The following SLC9A1 variants were observed in gnomAD, a reference collection of about 807,000 sequenced individuals.
The protein encoded by SLC9A1 is sodium/hydrogen exchanger 1.
Under a neutral mutation model 67.9 loss-of-function variants are expected in SLC9A1, and 22 were observed. The observed-to-expected ratio is 0.32, with a 90% CI of 0.23 to 0.46. The LOEUF (loss-of-function observed/expected upper bound fraction) is 0.46, where lower values mean the gene tolerates loss of function less well. Among genes scored for constraint, SLC9A1 ranks in the 20% least tolerant of loss-of-function variants. SLC9A1 has a pLI of 1.00. For missense variants in SLC9A1, 686 were observed against 1,094.8 expected, an observed-to-expected ratio of 0.63 and a Z score of 5.27; for synonymous variants, 421 against 471.8, an observed-to-expected ratio of 0.89 and a Z score of 1.40.
intron 1 of SLC9A1, among the ~76,000 whole-genome samples, chr1:27,150,835 G>A (rs1478933074): frequency 1.3e-5 from 2 of 152,154 alleles, no homozygotes; most frequent in Non-Finnish European, 2.9e-5. Flanking sequence ...AGGGTAGGAA[G>A]GAGAACTGCA....
chr1:27,103,558 T>C (rs2083162709), intron 5 of SLC9A1: 1 of 541,612 alleles, frequency 1.8e-6, no homozygotes. Flanking sequence ...ACACTGGTCA[T>C]CTGGCCTGGG....
At chr1:27,126,805 G>A (rs1293233777) in intron 1 of SLC9A1, among the ~76,000 whole-genome samples, 1 of 152,106 alleles carries the variant, frequency 6.6e-6, no homozygotes, top group Non-Finnish European at 1.5e-5. Context: ...TCCCTTTTGT[G>A]TATATATTTT....
chr1:27,107,595 C>T, intron 4 of SLC9A1, 53 bp downstream of exon 4: 4 of 1,365,600 alleles, frequency 2.9e-6, no homozygotes, highest in Non-Finnish European at 4.0e-6. Context: ...CCCACCACCC[C>T]CCACACACAC....
At position 27,114,295 on chromosome 1, in the gene SLC9A1, G is replaced by T; in HGVS notation, c.353-9C>A. 2 of 1,600,750 alleles carry T rather than the reference G, an allele frequency of 1.2e-6. No individual in the cohort carries two copies. The highest frequency in any genetic ancestry group is 1.7e-6 in the Non-Finnish European group (2 of 1,169,922). ...GGGGATCACATGGAAACCTGCGGAG[G>T]GCGAGAGAACGGGAGGCCATGGGCT... On this transcript the variant is annotated splice_polypyrimidine_tract_variant and intron_variant, in intron 1 of 11. Coordinates refer to ENST00000263980, the MANE Select transcript of SLC9A1 (RefSeq NM_003047.5). The surrounding 1 kb of genome is among the most constrained non-coding windows in gnomAD (Gnocchi z 5.4).
intron 1 of SLC9A1, among the ~76,000 whole-genome samples, chr1:27,147,266 C>T (rs1211582021): frequency 3.1e-5 from 4 of 130,432 alleles, no homozygotes; most frequent in Non-Finnish European, 1.6e-5. Context: ...TGCCTCTGCA[C>T]TCCAGCCTGT....
At position 27,101,995 on chromosome 1, in the gene SLC9A1, G is replaced by A. The variant is rs372743333; in HGVS notation, c.1935+21C>T. 34 of 1,580,314 alleles carry A rather than the reference G, an allele frequency of 2.2e-5. No homozygotes were observed. In the African/African-American group the frequency reaches 3.8e-4, roughly 18 times the overall value. Reference sequence around the variant, plus strand: ...AAGGGCTCCTGTACCCTGGGGGTCGGGCTGGGGAGCAGGCCCTCACCCGCT... The same window carrying A: ...AAGGGCTCCTGTACCCTGGGGGTCGAGCTGGGGAGCAGGCCCTCACCCGCT... On this transcript the variant is annotated intron_variant, in intron 9 of 11. Coordinates refer to ENST00000263980, the MANE Select transcript of SLC9A1 (RefSeq NM_003047.5). This position sits in a 1 kb window ranked among gnomAD's most constrained non-coding sequence, Gnocchi z 4.9.
In SLC9A1 at chr1:27,106,090, G is replaced by A; in HGVS notation, c.1283-3C>T. 6.2e-7 allele frequency: 1 copy of A among 1,602,514 alleles called. No individual in the cohort carries two copies. The highest frequency in any genetic ancestry group is 8.5e-7 in the Non-Finnish European group (1 of 1,171,412). ...GAACCAGGTCAGGCCCAGCACCCCT[G>A]CAGGGGAAGGCAGGGGGTGATGAGG... On this transcript the variant is annotated splice_polypyrimidine_tract_variant and splice_region_variant and intron_variant, in intron 4 of 11. Transcript: ENST00000263980. This position sits in a 1 kb window ranked among gnomAD's most constrained non-coding sequence, Gnocchi z 4.3.
intron 1 of SLC9A1, among the ~76,000 whole-genome samples, chr1:27,149,289 G>C (rs760692231): frequency 6.6e-6 from 1 of 152,210 alleles, no homozygotes; most frequent in Non-Finnish European, 1.5e-5. Context: ...GCTATGCCAA[G>C]ACTCGAACAG....
chr1:27,150,530 C>T (rs2083519479), intron 1 of SLC9A1, among the ~76,000 whole-genome samples: 1 of 152,138 alleles, frequency 6.6e-6, no homozygotes, highest in Admixed American at 6.6e-5. Context: ...GTCCACAGCA[C>T]AATGTGGGGT....
intron 2 of SLC9A1, among the ~76,000 whole-genome samples, chr1:27,112,865 C>A (rs1477657755): frequency 5.3e-5 from 6 of 113,736 alleles, no homozygotes; most frequent in African/African-American, 1.1e-4. Context: ...GTCTGGGAGA[C>A]AGAGCAAGAC....
rs1231407349 is a variant in SLC9A1 at position 27,109,734 on chromosome 1, A to T, written c.857T>A (p.Val286Glu). 1.2e-6 allele frequency: 2 copies of T among 1,614,078 alleles called. No individual in the cohort carries two copies. Among genetic ancestry groups the T allele is most frequent in the Non-Finnish European group, 1.7e-6 (2 of 1,180,022 alleles). ...LFEEFANYEHVGIVDIFLGFL... is the reference protein window; with the variant it reads ...LFEEFANYEHEGIVDIFLGFL... ...GCCGAGGAAGATGTCCACGATGCCCACGTGTTCGTAGTTGGCAAACTCCTC... is the reference window on the plus strand; with the variant it reads ...GCCGAGGAAGATGTCCACGATGCCCTCGTGTTCGTAGTTGGCAAACTCCTC... Residue 286 changes from valine (V) to glutamate (E), a missense_variant, in exon 3 of 12, where the codon GTG (valine) becomes GAG (glutamate). Coordinates refer to ENST00000263980, the MANE Select transcript of SLC9A1 (RefSeq NM_003047.5). The surrounding 1 kb of genome is among the most constrained non-coding windows in gnomAD (Gnocchi z 5.5).
At chr1:27,110,895 A>C (rs990479355) in intron 2 of SLC9A1, among the ~76,000 whole-genome samples, 1 of 152,188 alleles carries the variant, frequency 6.6e-6, no homozygotes, top group Non-Finnish European at 1.5e-5. Context: ...GAAGGACGTG[A>C]GGATCCATGA....
intron 1 of SLC9A1, among the ~76,000 whole-genome samples, chr1:27,142,637 G>T (rs972496023): frequency 6.6e-6 from 1 of 152,154 alleles, no homozygotes; most frequent in Admixed American, 6.5e-5. Context: ...TAGGGAAATG[G>T]GCAGGTGGCC....
Position 27,100,734 on chromosome 1 carries a change from C to T in SLC9A1, c.2111-90G>A. 9.3e-7 allele frequency: 1 copy of T among 1,070,026 alleles called. No homozygotes were observed. The highest frequency in any genetic ancestry group is 1.4e-6 in the Non-Finnish European group (1 of 732,524). 66.3% of individuals were successfully genotyped at this position (1,070,026 alleles called of 1,614,324 possible). A position where few individuals can be genotyped will look rare whatever the true frequency, so the allele number is the denominator to read the frequency against. On this transcript the variant is annotated intron_variant, in intron 11 of 11. Coordinates refer to ENST00000263980, the MANE Select transcript of SLC9A1 (RefSeq NM_003047.5). This position sits in a 1 kb window ranked among gnomAD's most constrained non-coding sequence, Gnocchi z 5.6. ...CGGCCGCGTCAGTGCCTCCTTCAGG[C>T]CTTCTCATGAGCACAGCCGTCCCGG...
chr1:27,107,654 C>T lies in SLC9A1; in HGVS notation c.1276G>A (p.Val426Met), dbSNP rs762802516. 7 of 1,551,814 alleles carry T rather than the reference C, an allele frequency of 4.5e-6. No individual in the cohort carries two copies. The highest frequency in any genetic ancestry group is 1.2e-5 in the South Asian group (1 of 84,246). The change falls in exon 4 of 12, where the codon GTG (valine) becomes ATG (methionine). Residue 426 changes from valine to methionine, a missense_variant. By Grantham distance (21) the Val-to-Met change is conservative. This residue lies in a region of SLC9A1 where 168 missense variants were observed against 375.4 expected (regional missense o/e 0.45). Coordinates refer to ENST00000263980, the MANE Select transcript of SLC9A1 (RefSeq NM_003047.5). ...CCCCAGCCCTGGCCCTCACCCAGCACGCGGGCGATGAGGCAGAAGAGCAGG... is the reference window on the plus strand; with the variant it reads ...CCCCAGCCCTGGCCCTCACCCAGCATGCGGGCGATGAGGCAGAAGAGCAGG... The part of the protein sequence containing the change: ...STLLFCLIAR[V>M]LGVLGLTWFI...
In SLC9A1 at chr1:27,118,405, G is replaced by C. The variant is rs1295994914; in HGVS notation, c.353-4119C>G. Among the ~76,000 whole-genome samples, 3 of 152,206 alleles carry C rather than the reference G, an allele frequency of 2.0e-5. No individual in the cohort carries two copies. Among genetic ancestry groups the C allele is most frequent in the Admixed American group, 1.3e-4 (2 of 15,280 alleles). On this transcript the variant is annotated intron_variant, in intron 1 of 11. Transcript: ENST00000263980. The surrounding 1 kb of genome is among the most constrained non-coding windows in gnomAD (Gnocchi z 4.3). ...CCTTCAGGAGCAACGGCTCAGGGAA[G>C]TGGGAAGCAGCCCCTGGACCTGCGC...
intron 1 of SLC9A1, among the ~76,000 whole-genome samples, chr1:27,146,872 A>G (rs963672976): frequency 1.3e-5 from 2 of 152,226 alleles, no homozygotes; most frequent in African/African-American, 4.8e-5. Context: ...GCAGTGGCTC[A>G]TGTCTGTAAT....
intron 1 of SLC9A1, among the ~76,000 whole-genome samples, chr1:27,135,524 G>GAAAAAA (rs1464533443): frequency 4.8e-4 from 34 of 70,360 alleles, no homozygotes; most frequent in African/African-American, 2.3e-3. Context: ...CCTTTTTTCT[G>GAAAAAA]GAAAAAAAAA....
In SLC9A1 at chr1:27,099,502, G is replaced by T. The variant is rs1453411052; in HGVS notation, c.*805C>A. On this transcript the variant is annotated 3_prime_UTR_variant, in exon 12 of 12. Transcript: ENST00000263980. ...TAGAGGCAGAGCACTGTTCAGCCAGGGGTTTTCAAAATGTTTTAAAAACAG... is the reference window on the plus strand; with the variant it reads ...TAGAGGCAGAGCACTGTTCAGCCAGTGGTTTTCAAAATGTTTTAAAAACAG... The T allele has an allele frequency of 2.0e-5, 3 of 152,692 alleles. No individual in the cohort carries two copies. The highest frequency in any genetic ancestry group is 4.4e-5 in the Non-Finnish European group (3 of 68,130). 9.5% of individuals were successfully genotyped at this position (152,692 alleles called of 1,614,324 possible).
Sources: allele counts gnomAD v4.1 joint callset (sites outside exome capture counted in the v4.1 genomes callset), GRCh38; gene constraint gnomAD v4.1.1; regional missense constraint gnomAD v4.1.1; non-coding constraint Gnocchi (gnomAD v3.1); transcripts MANE v1.5; gene names NCBI Gene and HGNC (gene_info 2026-07-23, HGNC 2026-07-21).